RHOA: variants seen among roughly 807,000 people sequenced by gnomAD.
The protein encoded by RHOA is transforming protein RhoA.
A neutral mutation model predicts 17.5 loss-of-function variants in RHOA; 3 were observed. That is an observed-to-expected ratio of 0.17 (90% CI 0.08 to 0.44). The LOEUF is 0.44. RHOA is among the 20% of genes least tolerant of loss of function. The probability of loss-of-function intolerance (pLI) is 0.99; values close to 1 mark genes in which losing one functional copy is unlikely to be tolerated. For synonymous variants in RHOA, 98 were observed against 88.4 expected, an observed-to-expected ratio of 1.11 and a Z score of -0.61; for missense variants, 56 against 242.3, an observed-to-expected ratio of 0.23 and a Z score of 5.10.
chr3:49,396,956 C>T (rs1295614627), intron 1 of RHOA, among the ~76,000 whole-genome samples: 1 of 151,846 alleles, frequency 6.6e-6, no homozygotes, highest in Non-Finnish European at 1.5e-5. Flanking sequence ...ATGGTGAGAG[C>T]TTGTCTCTAC....
Position 49,360,031 on chromosome 3 carries a change from G to A in RHOA, c.*178C>T. On this transcript the variant is annotated 3_prime_UTR_variant, in exon 5 of 5. Coordinates refer to ENST00000418115, the MANE Select transcript of RHOA (RefSeq NM_001664.4). ...GTGTCAAAAGGACCCTGGTGGGCCA[G>A]ACGGGTTGGACATCGTTAATAATCA... 4.4e-6 allele frequency: 3 copies of A among 681,658 alleles called. No individual in the cohort carries two copies. The highest frequency in any genetic ancestry group is 4.7e-5 in the South Asian group (2 of 42,924). 42.2% of individuals were successfully genotyped at this position (681,658 alleles called of 1,614,324 possible).
At chr3:49,383,052 C>A (rs941812159) in intron 1 of RHOA, among the ~76,000 whole-genome samples, 7 of 148,550 alleles carry the variant, frequency 4.7e-5, no homozygotes, top group Admixed American at 6.7e-5. Flanking sequence ...AAAACTCCAT[C>A]GTATCAGAAA....
At chr3:49,398,919 T>G (rs2048667928) in intron 1 of RHOA, among the ~76,000 whole-genome samples, 1 of 140,614 alleles carries the variant, frequency 7.1e-6, no homozygotes, top group Admixed American at 7.3e-5. Context: ...GCTTTAATAC[T>G]GGTGGCTCAC....
intron 1 of RHOA, among the ~76,000 whole-genome samples, chr3:49,377,350 T>C (rs1468759497): frequency 6.6e-6 from 1 of 151,984 alleles, no homozygotes; most frequent in Non-Finnish European, 1.5e-5. Flanking sequence ...CCCAGCAATC[T>C]GGGAGGCCGA....
At chr3:49,401,348 A>C (rs1286883928) in intron 1 of RHOA, among the ~76,000 whole-genome samples, 2 of 151,966 alleles carry the variant, frequency 1.3e-5, no homozygotes, top group Non-Finnish European at 2.9e-5. Context: ...GTGAGACCTC[A>C]TCTCTCAAAA....
chr3:49,363,091 C>T (rs1367387812), intron 3 of RHOA, among the ~76,000 whole-genome samples: 1 of 152,198 alleles, frequency 6.6e-6, no homozygotes, highest in Non-Finnish European at 1.5e-5. Flanking sequence ...ATAACTTCTA[C>T]CCTATGGGGT....
At chr3:49,396,939 G>C (rs1448888085) in intron 1 of RHOA, among the ~76,000 whole-genome samples, 1 of 152,008 alleles carries the variant, frequency 6.6e-6, no homozygotes, top group Non-Finnish European at 1.5e-5. Context: ...AGACTGGCCT[G>C]GTCAACATGG....
intron 2 of RHOA, among the ~76,000 whole-genome samples, chr3:49,372,352 T>A (rs2048159310): frequency 6.6e-6 from 1 of 152,198 alleles, no homozygotes; most frequent in Non-Finnish European, 1.5e-5. Context: ...ATTTGTTGTA[T>A]TTTTTCCATC....
chr3:49,382,102 G>A (rs1001531732), intron 1 of RHOA, among the ~76,000 whole-genome samples: 7 of 148,738 alleles, frequency 4.7e-5, no homozygotes, highest in African/African-American at 1.7e-4. Context: ...GGCAGATCAC[G>A]AGGTAAGGAG....
At chr3:49,369,999 G>A (rs543612292) in intron 2 of RHOA, among the ~76,000 whole-genome samples, 10 of 152,036 alleles carry the variant, frequency 6.6e-5, no homozygotes, top group South Asian at 2.1e-4. Context: ...CCCAGGAGGC[G>A]GAGGTTGCAA....
intron 1 of RHOA, among the ~76,000 whole-genome samples, chr3:49,379,961 T>C (rs566485840): frequency 7.9e-5 from 12 of 152,244 alleles, no homozygotes; most frequent in Admixed American, 3.3e-4. Flanking sequence ...CAGACAGTGA[T>C]GGTCAACCAT....
intron 1 of RHOA, among the ~76,000 whole-genome samples, 184 bp from the exon 2 acceptor site, chr3:49,375,775 T>C (rs1173712895): frequency 1.3e-5 from 2 of 152,166 alleles, no homozygotes; most frequent in Middle Eastern, 3.4e-3. Context: ...ACTAACATTA[T>C]ACTTAATGGT....
At chr3:49,360,965 C>A in intron 4 of RHOA, 1 of 339,040 alleles carries the variant, frequency 2.9e-6, no homozygotes, top group Non-Finnish European at 5.9e-6. Context: ...CCCAGCTACT[C>A]AGGAGGCTGA....
intron 1 of RHOA, among the ~76,000 whole-genome samples, chr3:49,384,415 T>C (rs1272167339): frequency 1.3e-5 from 2 of 152,214 alleles, no homozygotes; most frequent in African/African-American, 4.8e-5. Flanking sequence ...AAATAACTTA[T>C]AAGTTTGGAG....
At chr3:49,403,431 C>T (rs906667899) in intron 1 of RHOA, among the ~76,000 whole-genome samples, 6 of 152,166 alleles carry the variant, frequency 3.9e-5, no homozygotes, top group Admixed American at 3.9e-4. Flanking sequence ...ATTTATCAAA[C>T]TGGCGGTTTG....
intron 2 of RHOA, among the ~76,000 whole-genome samples, chr3:49,369,149 G>A (rs1488928614): frequency 7.1e-6 from 1 of 140,522 alleles, no homozygotes; most frequent in East Asian, 2.2e-4. Flanking sequence ...TCAGCCTCCT[G>A]AGCAGCTGGG....
At chr3:49,398,380 C>T (rs1373992649) in intron 1 of RHOA, among the ~76,000 whole-genome samples, 1 of 151,554 alleles carries the variant, frequency 6.6e-6, no homozygotes, top group East Asian at 1.9e-4. Context: ...TAAACCAGGG[C>T]TGAGATTTTG....
At chr3:49,361,602 C>T (rs1469759024) in intron 4 of RHOA, among the ~76,000 whole-genome samples, 1 of 152,072 alleles carries the variant, frequency 6.6e-6, no homozygotes. Context: ...CTAACAGGCC[C>T]GGGCGTGGTG....
intron 1 of RHOA, among the ~76,000 whole-genome samples, chr3:49,403,761 T>C (rs1357672637): frequency 6.6e-6 from 1 of 152,034 alleles, no homozygotes. Context: ...CAAACTATCA[T>C]TTAAAGTATG....
Sources: allele counts gnomAD v4.1 joint callset (sites outside exome capture counted in the v4.1 genomes callset), GRCh38; gene constraint gnomAD v4.1.1; transcripts MANE v1.5; gene names NCBI Gene and HGNC (gene_info 2026-07-23, HGNC 2026-07-21).